The following IL34 variants were observed in gnomAD, a reference collection of about 807,000 sequenced individuals.
IL34 encodes the protein interleukin 34.
A neutral mutation model predicts 25.3 loss-of-function variants in IL34; 17 were observed. The ratio of observed to expected loss-of-function variants is 0.67; its 90% confidence interval spans 0.46 to 1.01. The LOEUF (loss-of-function observed/expected upper bound fraction) is 1.01. IL34 is among the 50% of genes least tolerant of loss of function. IL34 has a pLI of 0.00. For synonymous variants in IL34, 174 were observed against 140.9 expected (o/e 1.23, Z -1.66); for missense variants, 368 against 312.9 (o/e 1.18, Z -1.33).
chr16:70,637,002 C>A (rs1442874982), intron 1 of IL34, among the ~76,000 whole-genome samples: 1 of 151,930 alleles, frequency 6.6e-6, no homozygotes, highest in Non-Finnish European at 1.5e-5. Context: ...GCCTCAGCCT[C>A]CCCAGTAGCT....
intron 1 of IL34, among the ~76,000 whole-genome samples, chr16:70,647,357 G>T (rs1245720410): frequency 2.0e-5 from 3 of 152,210 alleles, no homozygotes; most frequent in East Asian, 1.9e-4. Flanking sequence ...TGGTGAAAGT[G>T]TCTAGGGACC....
intron 1 of IL34, among the ~76,000 whole-genome samples, chr16:70,585,419 G>GC (rs1466538818): frequency 6.6e-6 from 1 of 152,034 alleles, no homozygotes; most frequent in African/African-American, 2.4e-5. Flanking sequence ...GAGGCTGGGC[G>GC]CGGTGGCTCA....
chr16:70,632,436 C>A (rs924410986), intron 1 of IL34, among the ~76,000 whole-genome samples: 1 of 152,252 alleles, frequency 6.6e-6, no homozygotes, highest in Non-Finnish European at 1.5e-5. Context: ...CCTATAGGAA[C>A]CAAAGGAATG....
intron 1 of IL34, among the ~76,000 whole-genome samples, chr16:70,653,821 ATTTGTTGCGAATTCTCT>A (rs2052142750): frequency 6.6e-6 from 1 of 152,028 alleles, no homozygotes; most frequent in South Asian, 2.1e-4. Flanking sequence ...CTTTATTCAT[ATTTGTTGCGAATTCTCT>A]CCTTTTTTTC....
chr16:70,651,853 C>T (rs189743284), intron 1 of IL34, among the ~76,000 whole-genome samples: 33 of 151,790 alleles, frequency 2.2e-4, no homozygotes, highest in African/African-American at 4.8e-4. Flanking sequence ...TGGGTGGGTG[C>T]GGTGGCTTAT....
At chr16:70,647,338 G>T (rs2051964105) in intron 1 of IL34, among the ~76,000 whole-genome samples, 1 of 152,306 alleles carries the variant, frequency 6.6e-6, no homozygotes, top group East Asian at 1.9e-4. Context: ...GGTGGAGGGG[G>T]GCAGGGGCTG....
chr16:70,648,261 T>C (rs150835946), intron 1 of IL34, among the ~76,000 whole-genome samples: 2 of 152,018 alleles, frequency 1.3e-5, no homozygotes, highest in South Asian at 2.1e-4. Flanking sequence ...GAGGTGCGAA[T>C]GAAAGGCAAG....
intron 1 of IL34, among the ~76,000 whole-genome samples, chr16:70,596,754 TA>T (rs972525266): frequency 2.6e-5 from 4 of 152,148 alleles, no homozygotes; most frequent in African/African-American, 7.2e-5. Flanking sequence ...CCCTCTTTAT[TA>T]AAAAAATTGG....
At chr16:70,612,342 G>A (rs922944637) in intron 1 of IL34, among the ~76,000 whole-genome samples, 3 of 138,440 alleles carry the variant, frequency 2.2e-5, no homozygotes, top group African/African-American at 7.7e-5. Context: ...GGGCTAGGGG[G>A]ATCTGCTGGT....
chr16:70,645,763 C>T (rs778672166), upstream of IL34, among the ~76,000 whole-genome samples: 1 of 152,160 alleles, frequency 6.6e-6, no homozygotes, highest in Admixed American at 6.5e-5. Context: ...ATGTAAAGAC[C>T]TTAGTCCTGG....
intron 1 of IL34, among the ~76,000 whole-genome samples, chr16:70,585,475 G>A (rs1050637876): frequency 3.3e-5 from 5 of 151,914 alleles, no homozygotes; most frequent in African/African-American, 1.2e-4. Flanking sequence ...GATGGATTAC[G>A]AGGAGATTGA....
At chr16:70,609,855 C>T (rs1171011058) in intron 1 of IL34, among the ~76,000 whole-genome samples, 1 of 152,172 alleles carries the variant, frequency 6.6e-6, no homozygotes, top group African/African-American at 2.4e-5. Flanking sequence ...AGATCTATAG[C>T]TAGAATTGGA....
In IL34 at chr16:70,659,752, C is replaced by G. The variant is rs200488835; in HGVS notation, c.537C>G (p.Cys179Trp). The change falls in exon 5 of 6, where the codon TGC becomes TGG. Residue 179 changes from cysteine to tryptophan, a missense_variant and splice_region_variant. Physicochemically the swap from Cys to Trp is radical, Grantham distance 215. Transcript: ENST00000288098. ...FRVMELLYCSCCKQSSVLNWQ... is the reference protein window; with the variant it reads ...FRVMELLYCSWCKQSSVLNWQ... ...TCATGGAGCTGCTGTACTGCTCCTG[C>G]TGTAAGGAGCTCTCAGGGGATGGCG... The G allele has an allele frequency of 9.2e-5, 147 of 1,596,096 alleles. No homozygotes were observed. The highest frequency in any genetic ancestry group is 2.7e-4 in the East Asian group (12 of 44,374).
chr16:70,627,536 C>CA (rs530031820), intron 1 of IL34, among the ~76,000 whole-genome samples: 269 of 151,086 alleles, frequency 1.8e-3, no homozygotes, highest in African/African-American at 5.5e-3. Flanking sequence ...GGCTAGAGCA[C>CA]AGTGGTGCTA....
intron 1 of IL34, among the ~76,000 whole-genome samples, chr16:70,612,573 G>A (rs1303528526): frequency 6.6e-6 from 1 of 152,220 alleles, no homozygotes; most frequent in African/African-American, 2.4e-5. Context: ...AAGATTGTCA[G>A]CTCAGAACCC....
chr16:70,637,362 A>G (rs1567457080), intron 1 of IL34, among the ~76,000 whole-genome samples: 1 of 151,530 alleles, frequency 6.6e-6, no homozygotes, highest in Non-Finnish European at 1.5e-5. Context: ...ATTTCTTTTT[A>G]TTATTTATTT....
intron 1 of IL34, among the ~76,000 whole-genome samples, chr16:70,632,116 A>AG (rs199509334): frequency 0.028 from 4,162 of 147,142 alleles, 224 homozygotes; most frequent in African/African-American, 0.1. Flanking sequence ...AAAAAAAAAA[A>AG]AAAGAGAAGA....
At chr16:70,646,999 G>A in intron 1 of IL34, 24 bp downstream of exon 1, 1 of 1,446,478 alleles carries the variant, frequency 6.9e-7, no homozygotes, top group Non-Finnish European at 9.0e-7. Context: ...GGTCCCTAGG[G>A]ACCTGCATTG....
chr16:70,657,654 T>C (rs145928121), intron 4 of IL34, among the ~76,000 whole-genome samples: 1,792 of 152,176 alleles, frequency 0.012, 15 homozygotes, highest in African/African-American at 0.032. Flanking sequence ...GGGCACCTGT[T>C]ATCCCAGCTA....
Sources: gnomAD v4.1 joint callset for allele counts (sites outside exome capture counted in the v4.1 genomes callset) on GRCh38, gnomAD v4.1.1 for gene constraint, MANE v1.5 for transcripts, NCBI Gene and HGNC (gene_info 2026-07-23, HGNC 2026-07-21) for gene names.